Variants in EYS observed in about 807,000 individuals in gnomAD.
The protein encoded by EYS is protein eyes shut homolog.
EYS carries 250 observed loss-of-function variants against 282.1 expected under a neutral mutation model. The observed-to-expected ratio is 0.89, with a 90% confidence interval of 0.80 to 0.98. The LOEUF is 0.98. Among genes scored for constraint, EYS ranks in the 50% least tolerant of loss-of-function variants. The probability of loss-of-function intolerance (pLI) is 0.00; values close to 1 mark genes in which losing one functional copy is unlikely to be tolerated. For missense variants in EYS, 4,016 were observed against 3,709.0 expected, an observed-to-expected ratio of 1.08 and a Z score of -2.15; for synonymous variants, 1,355 against 1,282.9, an observed-to-expected ratio of 1.06 and a Z score of -1.20.
At chr6:65,126,944 G>A (rs1775736087) in intron 12 of EYS, among the ~76,000 whole-genome samples, 1 of 152,078 alleles carries the variant, frequency 6.6e-6, no homozygotes, top group Non-Finnish European at 1.5e-5. Flanking sequence ...ATTGTGGTAA[G>A]AGTGTGAATT....
intron 1 of EYS, among the ~76,000 whole-genome samples, chr6:65,706,172 G>T (rs1291566852): frequency 6.6e-6 from 1 of 150,660 alleles, no homozygotes; most frequent in Non-Finnish European, 1.5e-5. Context: ...ATACTCATAT[G>T]ATATAGATGA....
At chr6:64,789,932 A>G (rs1055437381) in intron 22 of EYS, among the ~76,000 whole-genome samples, 4 of 151,852 alleles carry the variant, frequency 2.6e-5, no homozygotes, top group African/African-American at 9.7e-5. Flanking sequence ...GAATATGAAT[A>G]ATCTTCGTTA....
In EYS at chr6:65,561,207, T is replaced by C. The variant is rs542266789; in HGVS notation, c.-332-65214A>G. ...TTGGGACCCACATCTTAGACTGCCATCCATAGGCAGAGATAATTTAAAACT... is the reference window on the plus strand; with the variant it reads ...TTGGGACCCACATCTTAGACTGCCACCCATAGGCAGAGATAATTTAAAACT... On this transcript the variant is annotated intron_variant, in intron 2 of 42. Coordinates refer to ENST00000503581, the MANE Select transcript of EYS (RefSeq NM_001142800.2). 2.0e-5 allele frequency among the ~76,000 whole-genome samples: 3 copies of C among 152,294 alleles called. No homozygotes were observed. In the South Asian group the frequency reaches 6.2e-4, roughly 32 times the overall value.
chr6:63,760,650 A>G (rs76403469), intron 41 of EYS, among the ~76,000 whole-genome samples: 22 of 7,236 alleles, frequency 3.0e-3, no homozygotes, highest in African/African-American at 9.1e-3. Context: ...ATGTATGTAT[A>G]TCTATCTATC....
chr6:64,740,491 A>G (rs1277747385), intron 22 of EYS, among the ~76,000 whole-genome samples: 1 of 152,090 alleles, frequency 6.6e-6, no homozygotes, highest in East Asian at 1.9e-4. Flanking sequence ...GCTAATCTTT[A>G]TTTTAGTTTA....
chr6:65,124,353 T>C (rs6901873), intron 12 of EYS, among the ~76,000 whole-genome samples: 3,917 of 152,250 alleles, frequency 0.026, 184 homozygotes, highest in African/African-American at 0.09. Context: ...GCATTAAATG[T>C]CAATGGTACA....
intron 30 of EYS, among the ~76,000 whole-genome samples, chr6:64,236,105 C>T (rs914460908): frequency 1.3e-5 from 2 of 152,116 alleles, no homozygotes; most frequent in South Asian, 2.1e-4. Context: ...TCCAGCAGCA[C>T]ATCAAAAAGC....
chr6:64,007,386 T>C (rs879756486), intron 33 of EYS, among the ~76,000 whole-genome samples: 2 of 151,974 alleles, frequency 1.3e-5, no homozygotes, highest in Non-Finnish European at 2.9e-5. Flanking sequence ...TTTTTTTTAA[T>C]TTCAATTAGC....
chr6:64,248,183 TTGTGTGTG>T (rs10589491), intron 30 of EYS, among the ~76,000 whole-genome samples: 2,248 of 146,250 alleles, frequency 0.015, 50 homozygotes, highest in African/African-American at 0.044. Context: ...CAGAAGAAGC[TTGTGTGTG>T]TGTGTGTGTG....
chr6:65,087,245 A>T (rs1774408936), intron 12 of EYS, among the ~76,000 whole-genome samples: 1 of 151,722 alleles, frequency 6.6e-6, no homozygotes, highest in Non-Finnish European at 1.5e-5. Flanking sequence ...CAGGTATCAT[A>T]TTTCTCCCTT....
At chr6:65,671,282 T>C (rs1189093403) in intron 1 of EYS, among the ~76,000 whole-genome samples, 2 of 152,104 alleles carry the variant, frequency 1.3e-5, no homozygotes, top group Non-Finnish European at 2.9e-5. Flanking sequence ...TGGATATTAT[T>C]TTATTTTACA....
At chr6:64,908,727 A>G (rs908473482) in intron 16 of EYS, among the ~76,000 whole-genome samples, 2 of 152,046 alleles carry the variant, frequency 1.3e-5, no homozygotes, top group Non-Finnish European at 1.5e-5. Flanking sequence ...CTACTGACTG[A>G]GTCTGGGGTT....
intron 14 of EYS, among the ~76,000 whole-genome samples, chr6:64,960,415 A>G (rs1259060106): frequency 6.6e-6 from 1 of 152,188 alleles, no homozygotes; most frequent in African/African-American, 2.4e-5. Flanking sequence ...AATTGCTGTC[A>G]ATAATTTTTT....
chr6:64,481,934 C>T (rs1232454287), intron 26 of EYS, among the ~76,000 whole-genome samples: 1 of 151,414 alleles, frequency 6.6e-6, no homozygotes, highest in Non-Finnish European at 1.5e-5. Flanking sequence ...GCTACTAATA[C>T]CAAAAAAGAA....
intron 22 of EYS, among the ~76,000 whole-genome samples, chr6:64,795,254 T>C (rs777154834): frequency 4.7e-5 from 7 of 148,962 alleles, no homozygotes; most frequent in African/African-American, 7.4e-5. Flanking sequence ...AAAAAAGAAG[T>C]AGACATTGCC....
At chr6:64,768,499 G>A (rs1217062891) in intron 22 of EYS, among the ~76,000 whole-genome samples, 2 of 151,994 alleles carry the variant, frequency 1.3e-5, no homozygotes, top group Non-Finnish European at 2.9e-5. Context: ...TTACTTTTTT[G>A]GTCTTTAAAG....
At chr6:64,943,012 A>G (rs34700631) in intron 15 of EYS, among the ~76,000 whole-genome samples, 4,012 of 152,116 alleles carry the variant, frequency 0.026, 83 homozygotes, top group Non-Finnish European at 0.043. Flanking sequence ...TCAAAAAGTT[A>G]ATTCTCCAAC....
chr6:65,589,272 T>C (rs1370591835), intron 2 of EYS, among the ~76,000 whole-genome samples: 1 of 152,206 alleles, frequency 6.6e-6, no homozygotes, highest in East Asian at 1.9e-4. Context: ...ACTCTGCATG[T>C]TGCATTCTGG....
chr6:65,670,512 T>G (rs1768358671), intron 1 of EYS, among the ~76,000 whole-genome samples: 1 of 152,102 alleles, frequency 6.6e-6, no homozygotes, highest in Non-Finnish European at 1.5e-5. Context: ...CTGATACAGA[T>G]GCCTATGATC....
Sources: gnomAD v4.1 joint callset for allele counts (sites outside exome capture counted in the v4.1 genomes callset) on GRCh38, gnomAD v4.1.1 for gene constraint, MANE v1.5 for transcripts, NCBI Gene and HGNC (gene_info 2026-07-23, HGNC 2026-07-21) for gene names.